Variants in PDE1C observed in about 807,000 individuals in gnomAD.
PDE1C encodes the protein dual specificity calcium/calmodulin-dependent 3',5'-cyclic nucleotide phosphodiesterase 1C.
Under a neutral mutation model 93.1 loss-of-function variants are expected in PDE1C, and 62 were observed. The observed-to-expected ratio is 0.67, with a 90% CI of 0.54 to 0.82. The LOEUF is 0.82. PDE1C is among the 40% of genes least tolerant of loss of function. The pLI is 0.00. For missense variants in PDE1C, 742 were observed against 884.6 expected (o/e 0.84, Z 2.04); for synonymous variants, 325 against 310.1 (o/e 1.05, Z -0.50).
At chr7:32,011,608 A>G (rs1787125410) in intron 2 of PDE1C, among the ~76,000 whole-genome samples, 1 of 152,236 alleles carries the variant, frequency 6.6e-6, no homozygotes, top group Non-Finnish European at 1.5e-5. Context: ...TTGCAGAAAT[A>G]CAATTATTAA....
intron 1 of PDE1C, among the ~76,000 whole-genome samples, chr7:32,379,913 T>C (rs1398901254): frequency 1.3e-5 from 2 of 152,188 alleles, no homozygotes; most frequent in African/African-American, 2.4e-5. Flanking sequence ...TTGCCAGGAC[T>C]CCTCTGCTGG....
intron 2 of PDE1C, among the ~76,000 whole-genome samples, chr7:31,966,102 G>A (rs552218792): frequency 5.9e-5 from 9 of 152,168 alleles, no homozygotes; most frequent in African/African-American, 1.7e-4. Context: ...AAATTCACAC[G>A]TAAGAATACT....
At chr7:32,010,273 T>C (rs1786899920) in intron 2 of PDE1C, among the ~76,000 whole-genome samples, 1 of 152,214 alleles carries the variant, frequency 6.6e-6, no homozygotes. Context: ...AGAAGGCAGA[T>C]TGGTATTAGC....
At chr7:31,703,912 CTTG>C in the PDE1C span, among the ~76,000 whole-genome samples, 1 of 152,208 alleles carries the variant, frequency 6.6e-6, no homozygotes, top group African/African-American at 2.4e-5. Context: ...CAGACCCAGG[CTTG>C]CTCCCAGCTT....
intron 1 of PDE1C, among the ~76,000 whole-genome samples, chr7:32,405,099 C>T (rs1785024619): frequency 6.6e-6 from 1 of 152,086 alleles, no homozygotes; most frequent in Non-Finnish European, 1.5e-5. Context: ...GGTAACATAC[C>T]TCTTCTGTTG....
At chr7:31,719,804 T>C in the PDE1C span, among the ~76,000 whole-genome samples, 1 of 152,180 alleles carries the variant, frequency 6.6e-6, no homozygotes, top group Non-Finnish European at 1.5e-5. Context: ...ACCAGCACCA[T>C]GGCCAATGCT....
At chr7:31,760,738 AC>A (rs1300878795) in intron 17 of PDE1C, among the ~76,000 whole-genome samples, 1 of 147,968 alleles carries the variant, frequency 6.8e-6, no homozygotes, top group African/African-American at 2.5e-5. Flanking sequence ...TCTCCTATAG[AC>A]ACTTTCTATC....
At chr7:31,905,053 A>C (rs1800424447) in intron 2 of PDE1C, among the ~76,000 whole-genome samples, 1 of 152,170 alleles carries the variant, frequency 6.6e-6, no homozygotes, top group Non-Finnish European at 1.5e-5. Flanking sequence ...GGCCTCATAC[A>C]GCTCACAGCC....
At chr7:31,783,734 G>T (rs540732084) in intron 16 of PDE1C, 1 of 152,206 alleles carries the variant, frequency 6.6e-6, no homozygotes, top group Admixed American at 6.5e-5. Flanking sequence ...TCTTGTATTT[G>T]GAGATATGAT....
chr7:31,624,177 G>A, the PDE1C span, among the ~76,000 whole-genome samples: 5 of 149,744 alleles, frequency 3.3e-5, no homozygotes, highest in African/African-American at 4.9e-5. Flanking sequence ...AGTCAATATC[G>A]TGAAAATGGC....
intron 1 of PDE1C, among the ~76,000 whole-genome samples, chr7:32,310,922 T>C (rs1020940545): frequency 2.0e-5 from 3 of 151,700 alleles, no homozygotes; most frequent in Admixed American, 6.6e-5. Flanking sequence ...CTGAAGGAAA[T>C]AGAGACACAA....
chr7:31,651,385 G>C, the PDE1C span: 1 of 1,219,376 alleles, frequency 8.2e-7, no homozygotes. Flanking sequence ...AAACCGGCCA[G>C]CTTTTCCTTT....
intron 2 of PDE1C, among the ~76,000 whole-genome samples, chr7:32,025,563 G>A (rs1183784788): frequency 6.6e-6 from 1 of 152,152 alleles, no homozygotes; most frequent in Non-Finnish European, 1.5e-5. Flanking sequence ...GCTGGGAGGA[G>A]TGGGCAGTGC....
intron 1 of PDE1C, among the ~76,000 whole-genome samples, chr7:32,310,361 G>A (rs215616): frequency 0.49 from 75,060 of 151,992 alleles, 21,772 homozygotes; most frequent in Admixed American, 0.66. Flanking sequence ...AAGTTAGCAA[G>A]GATACCCAAG....
At chr7:32,294,556 C>T (rs539899687) in intron 1 of PDE1C, among the ~76,000 whole-genome samples, 3 of 152,294 alleles carry the variant, frequency 2.0e-5, no homozygotes, top group South Asian at 4.1e-4. Context: ...AAGTGGGGCC[C>T]ACTCAGGTGA....
At chr7:32,108,373 AT>A (rs1445051400) in intron 3 of PDE1C, among the ~76,000 whole-genome samples, 1 of 151,996 alleles carries the variant, frequency 6.6e-6, no homozygotes, top group Non-Finnish European at 1.5e-5. Context: ...GCAATTAAAA[AT>A]TCAGTCAAAA....
intron 2 of PDE1C, among the ~76,000 whole-genome samples, chr7:31,907,971 G>T (rs1259938460): frequency 6.6e-6 from 1 of 151,792 alleles, no homozygotes; most frequent in Non-Finnish European, 1.5e-5. Flanking sequence ...AAAAAGGGAG[G>T]GGCAGGGTGA....
the PDE1C span, among the ~76,000 whole-genome samples, chr7:31,630,317 T>C: frequency 6.6e-6 from 1 of 151,340 alleles, no homozygotes; most frequent in African/African-American, 2.4e-5. Flanking sequence ...CCAGGAACTA[T>C]GCTAAGTGTT....
At chr7:31,742,196 T>C in the PDE1C span, among the ~76,000 whole-genome samples, 2 of 152,130 alleles carry the variant, frequency 1.3e-5, no homozygotes, top group Non-Finnish European at 2.9e-5. Flanking sequence ...AAGAAAACAA[T>C]AAAGAACAAA....
Sources: gnomAD v4.1 joint callset for allele counts (sites outside exome capture counted in the v4.1 genomes callset) on GRCh38, gnomAD v4.1.1 for gene constraint, MANE v1.5 for transcripts, NCBI Gene and HGNC (gene_info 2026-07-23, HGNC 2026-07-21) for gene names.